The following FAM168B variants were observed in gnomAD, a reference collection of about 807,000 sequenced individuals.
The protein encoded by FAM168B is family with sequence similarity 168 member B.
Under a neutral mutation model 21.8 loss-of-function variants are expected in FAM168B, and 19 were observed. The ratio of observed to expected loss-of-function variants is 0.87; its 90% CI spans 0.61 to 1.28. FAM168B has a LOEUF of 1.28. Among genes scored for constraint, FAM168B ranks in the 50% most tolerant of loss-of-function variants. The probability of loss-of-function intolerance (pLI) is 0.00; values close to 1 mark genes in which losing one functional copy is unlikely to be tolerated. For synonymous variants in FAM168B, 126 were observed against 104.8 expected, an observed-to-expected ratio of 1.20 and a Z score of -1.24; for missense variants, 233 against 263.1, an observed-to-expected ratio of 0.89 and a Z score of 0.79.
chr2:131,091,560 T>TC, intron 1 of FAM168B, among the ~76,000 whole-genome samples: 1 of 146,992 alleles, frequency 6.8e-6, no homozygotes, highest in South Asian at 2.1e-4. Flanking sequence ...GACAGGAGAA[T>TC]CCCTTGAGCC....
Position 131,093,460 on chromosome 2 carries a change from C to T in FAM168B, c.-258G>A, listed in dbSNP as rs1694144520. On this transcript the variant is annotated 5_prime_UTR_variant, in exon 1 of 7. Coordinates refer to ENST00000389915, the MANE Select transcript of FAM168B (RefSeq NM_001009993.4). ...GCTGCGCAGCCACCGGAGCCGCCGA[C>T]CTCACTTCCGCCTGAGCGCGCCGCG... 1 of 151,294 alleles carries T rather than the reference C, an allele frequency of 6.6e-6. No homozygotes were observed. Among genetic ancestry groups the T allele is most frequent in the Admixed American group, 6.6e-5 (1 of 15,192 alleles). 9.4% of individuals were successfully genotyped at this position (151,294 alleles called of 1,614,324 possible). A position where few individuals can be genotyped will look rare whatever the true frequency, so the allele number is the denominator to read the frequency against.
Position 131,050,054 on chromosome 2 carries a change from C to T in FAM168B, c.*2411G>A. 1 of 985,458 alleles carries T rather than the reference C, an allele frequency of 1.0e-6. No individual in the cohort carries two copies. Among genetic ancestry groups the T allele is most frequent in the Non-Finnish European group, 1.2e-6 (1 of 829,944 alleles). The allele number at this position is 985,458 out of a possible 1,614,324, so 61.0% of individuals were successfully genotyped here. A position where few individuals can be genotyped will look rare whatever the true frequency, so the allele number is the denominator to read the frequency against. The stretch of plus-strand genomic sequence containing the variant: ...TGCAAACTTATTTCATAAAGCCTCT[C>T]AACTTCATAAAAGGGAAAAAAGGTT... On this transcript the variant is annotated 3_prime_UTR_variant, in exon 7 of 7. Transcript: ENST00000389915.
chr2:131,072,061 A>G lies in FAM168B; in HGVS notation c.71-123T>C, dbSNP rs192637230. On this transcript the variant is annotated intron_variant, in intron 2 of 6. Transcript: ENST00000389915. ...CTCCACAGACTTAAGCAGCCCCAAG[A>G]GCACTATGTGTGGCCAACAGCATGT... 2,711 of 788,812 alleles carry G rather than the reference A, an allele frequency of 3.4e-3. 12 individuals carry two copies. The highest frequency in any genetic ancestry group is 4.9e-3 in the South Asian group (322 of 65,346). The allele number at this position is 788,812 out of a possible 1,614,324, so 48.9% of individuals were successfully genotyped here.
intron 2 of FAM168B, among the ~76,000 whole-genome samples, chr2:131,081,468 T>A (rs753810029): frequency 3.3e-5 from 5 of 152,200 alleles, no homozygotes; most frequent in Non-Finnish European, 7.3e-5. Flanking sequence ...TCTCAACTTC[T>A]GAACCCCTGG....
At chr2:131,073,414 C>T (rs556037625) in intron 2 of FAM168B, among the ~76,000 whole-genome samples, 1 of 152,262 alleles carries the variant, frequency 6.6e-6, no homozygotes, top group East Asian at 1.9e-4. Flanking sequence ...TTCTGATCCC[C>T]AACTTCTCCA....
intron 3 of FAM168B, among the ~76,000 whole-genome samples, chr2:131,056,110 A>G (rs1320716067): frequency 2.6e-5 from 4 of 152,162 alleles, no homozygotes; most frequent in Non-Finnish European, 5.9e-5. Context: ...ACATGGATCT[A>G]TACACACACA....
At chr2:131,092,783 G>C (rs1342881406) in intron 1 of FAM168B, among the ~76,000 whole-genome samples, 1 of 152,140 alleles carries the variant, frequency 6.6e-6, no homozygotes, top group South Asian at 2.1e-4. Flanking sequence ...AAGCTGGAAG[G>C]AGAACGCTCA....
At chr2:131,070,424 G>A (rs1035203202) in intron 3 of FAM168B, among the ~76,000 whole-genome samples, 1 of 152,136 alleles carries the variant, frequency 6.6e-6, no homozygotes, top group Non-Finnish European at 1.5e-5. Flanking sequence ...GTGGAGGAAC[G>A]ACAACTCACA....
intron 1 of FAM168B, among the ~76,000 whole-genome samples, chr2:131,088,010 C>T (rs1305318554): frequency 6.6e-6 from 1 of 152,116 alleles, no homozygotes; most frequent in African/African-American, 2.4e-5. Flanking sequence ...CTTTGGGAGG[C>T]CGATGAGGGC....
At chr2:131,075,555 C>T (rs1048694497) in intron 2 of FAM168B, among the ~76,000 whole-genome samples, 2 of 151,350 alleles carry the variant, frequency 1.3e-5, no homozygotes, top group Non-Finnish European at 2.9e-5. Context: ...AATGCAGTGG[C>T]GTGATCTCGG....
At position 131,055,314 on chromosome 2, in the gene FAM168B, T is replaced by C; in HGVS notation, c.433A>G (p.Thr145Ala). 6.3e-7 allele frequency: 1 copy of C among 1,583,426 alleles called. No individual in the cohort carries two copies. The highest frequency in any genetic ancestry group is 8.5e-7 in the Non-Finnish European group (1 of 1,169,932). ...PIPPPRGNGV[T>A]MGMVAGTTMA... ...GTGGTCCCAGCCACCATGCCCATGG[T>C]GACCCCGTTGCCTCTAGGAGGGGGG... The change falls in exon 5 of 7, where the codon ACC becomes GCC. Residue 145 changes from threonine to alanine, a missense_variant. Transcript: ENST00000389915.
rs1056704681 is a variant in FAM168B, at chr2:131,082,796, G to A, written c.-11-139C>T. The A allele has an allele frequency of 1.4e-5, 8 of 585,170 alleles. No homozygotes were observed. In the African/African-American group the frequency reaches 1.5e-4, roughly 11 times the overall value. 36.2% of individuals were successfully genotyped at this position (585,170 alleles called of 1,614,324 possible). The stretch of plus-strand genomic sequence containing the variant: ...ATGCATTTCATGCTGCCCCCAACCA[G>A]CGAAGAACAGAAAAGGGACACTCGA... On this transcript the variant is annotated intron_variant, in intron 1 of 6. Transcript: ENST00000389915.
intron 2 of FAM168B, among the ~76,000 whole-genome samples, chr2:131,078,013 C>T (rs185113049): frequency 2.6e-4 from 39 of 152,252 alleles, no homozygotes; most frequent in Non-Finnish European, 4.7e-4. Flanking sequence ...CATCTAAGCC[C>T]AGCTCCAAGT....
chr2:131,090,115 C>G (rs1213608792), intron 1 of FAM168B, among the ~76,000 whole-genome samples: 1 of 138,778 alleles, frequency 7.2e-6, no homozygotes, highest in Admixed American at 7.9e-5. Flanking sequence ...GTCAGGAGAT[C>G]GAGACCACAG....
chr2:131,059,609 G>T (rs944826331), intron 3 of FAM168B, among the ~76,000 whole-genome samples: 2 of 152,014 alleles, frequency 1.3e-5, no homozygotes, highest in African/African-American at 4.8e-5. Context: ...TCAAAACATA[G>T]AGCTACCCTC....
intron 2 of FAM168B, among the ~76,000 whole-genome samples, chr2:131,080,731 A>G (rs1490267188): frequency 6.7e-6 from 1 of 149,308 alleles, no homozygotes; most frequent in Non-Finnish European, 1.5e-5. Flanking sequence ...GTGCAGTGGC[A>G]CGATCTCAGC....
chr2:131,086,414 C>T (rs1040142433), intron 1 of FAM168B, among the ~76,000 whole-genome samples: 3 of 152,076 alleles, frequency 2.0e-5, no homozygotes, highest in Non-Finnish European at 4.4e-5. Context: ...AAGATGGAAA[C>T]GAGCCCTGGC....
intron 1 of FAM168B, among the ~76,000 whole-genome samples, chr2:131,083,352 C>CA (rs1185261321): frequency 1.3e-5 from 2 of 152,050 alleles, no homozygotes; most frequent in East Asian, 1.9e-4. Flanking sequence ...GACTCCGTCT[C>CA]AAAAAAACAA....
chr2:131,067,090 C>A (rs986395495), intron 3 of FAM168B, among the ~76,000 whole-genome samples: 1 of 152,238 alleles, frequency 6.6e-6, no homozygotes, highest in East Asian at 1.9e-4. Flanking sequence ...GATTCAATTA[C>A]CTCCCACCAG....
Sources: allele counts gnomAD v4.1 joint callset (sites outside exome capture counted in the v4.1 genomes callset), GRCh38; gene constraint gnomAD v4.1.1; transcripts MANE v1.5; gene names NCBI Gene and HGNC (gene_info 2026-07-23, HGNC 2026-07-21).